Variants in STOX2 observed in about 807,000 individuals in gnomAD.
STOX2 encodes the protein storkhead box 2, also known as storkhead-box protein 2.
A neutral mutation model predicts 60.9 loss-of-function variants in STOX2; 28 were observed. That is an observed-to-expected ratio of 0.46 (90% CI 0.34 to 0.63). STOX2 has a LOEUF of 0.63. Among genes scored for constraint, STOX2 ranks in the 30% least tolerant of loss-of-function variants. The pLI is 0.01. For missense variants in STOX2, 1,024 were observed against 1,187.7 expected (o/e 0.86, Z 2.03); for synonymous variants, 472 against 463.9 (o/e 1.02, Z -0.22).
chr4:183,931,778 A>C (rs187038919), intron 1 of STOX2, among the ~76,000 whole-genome samples: 1 of 152,348 alleles, frequency 6.6e-6, no homozygotes, highest in Admixed American at 6.5e-5. Flanking sequence ...AGCAGGCATA[A>C]GCTGCAACCA....
At chr4:183,816,810 A>AT (rs1739164357) in intron 1 of STOX2, among the ~76,000 whole-genome samples, 1 of 152,236 alleles carries the variant, frequency 6.6e-6, no homozygotes, top group African/African-American at 2.4e-5. Context: ...ACTTGAAAAG[A>AT]TTTTAAAAAG....
chr4:183,872,837 C>A (rs528083789), intron 1 of STOX2, among the ~76,000 whole-genome samples: 3 of 152,158 alleles, frequency 2.0e-5, no homozygotes, highest in African/African-American at 7.2e-5. Flanking sequence ...ATGTATCTGA[C>A]ACTTTGGAAT....
In STOX2 at chr4:183,908,910, C is replaced by T. The variant is rs557541306; in HGVS notation, c.166+1954C>T. On this transcript the variant is annotated intron_variant, in intron 1 of 3. Transcript: ENST00000308497. The stretch of plus-strand genomic sequence containing the variant: ...TGTCATTCATTCAGCATTTTTATGG[C>T]GTGCCCCCAAAGAGCGAAGTGCCTT... Among the ~76,000 whole-genome samples the T allele has an allele frequency of 1.5e-3, 225 of 152,256 alleles. 1 individual carries two copies. The highest frequency in any genetic ancestry group is 3.9e-3 in the African/African-American group (161 of 41,548).
In STOX2 at chr4:183,825,311, G is replaced by A. The variant is rs1739399486; in HGVS notation, c.364+27256G>A. 6.6e-6 allele frequency among the ~76,000 whole-genome samples: 1 copy of A among 152,198 alleles called. No individual in the cohort carries two copies. The highest frequency in any genetic ancestry group is 2.4e-5 in the African/African-American group (1 of 41,456). The stretch of plus-strand genomic sequence containing the variant: ...AGGAAGGACGTGTTCTTAGGAGGGA[G>A]ATGCAGCTGATGAGGCTTCCCAAGC... On this transcript the variant is annotated intron_variant, in intron 1 of 2. Transcript: ENST00000513034. The surrounding 1 kb of genome is among the most constrained non-coding windows in gnomAD (Gnocchi z 4.1).
At chr4:184,015,819 A>G (rs1734346632) in intron 3 of STOX2, 1 of 152,226 alleles carries the variant, frequency 6.6e-6, no homozygotes, top group African/African-American at 2.4e-5. Context: ...GGATGTTTTG[A>G]GAATGCTTCT....
In STOX2 at chr4:183,851,283, A is replaced by AAGGATGAG. The variant is rs1237413156; in HGVS notation, c.364+53231_364+53238dup. 6.1e-5 allele frequency among the ~76,000 whole-genome samples: 5 copies of AAGGATGAG among 82,472 alleles called. 1 individual carries two copies. The highest frequency in any genetic ancestry group is 1.4e-4 in the Non-Finnish European group (5 of 35,736). 54.1% of individuals were successfully genotyped at this position (82,472 alleles called of 152,430 possible). On this transcript the variant is annotated intron_variant, in intron 1 of 2. Transcript: ENST00000513034. ...AAAGGATGAGAGAAACGATGAGGGAAAGGATGAGAGAAAGGATGAGGGAAA... is the reference window on the plus strand; with the variant it reads ...AAAGGATGAGAGAAACGATGAGGGAAAGGATGAGAGGATGAGAGAAAGGATGAGGGAAA...
At chr4:183,848,565 G>A (rs1236761419) in intron 1 of STOX2, among the ~76,000 whole-genome samples, 2 of 152,098 alleles carry the variant, frequency 1.3e-5, no homozygotes, top group Admixed American at 1.3e-4. Flanking sequence ...AAAGGAGCAG[G>A]GTTCTGTAAG....
chr4:183,804,547 G>A (rs1185963513), intron 1 of STOX2, among the ~76,000 whole-genome samples: 1 of 152,236 alleles, frequency 6.6e-6, no homozygotes, highest in Non-Finnish European at 1.5e-5. Flanking sequence ...GCAGAGAGAA[G>A]GCATGAGTCT....
At chr4:183,852,801 C>T (rs930999949) in intron 1 of STOX2, among the ~76,000 whole-genome samples, 2 of 152,116 alleles carry the variant, frequency 1.3e-5, no homozygotes, top group African/African-American at 4.8e-5. Flanking sequence ...GGTGCGTCAG[C>T]GTAAGTAGTA....
chr4:183,916,080 C>T (rs1741923776), intron 1 of STOX2, among the ~76,000 whole-genome samples: 1 of 152,246 alleles, frequency 6.6e-6, no homozygotes, highest in African/African-American at 2.4e-5. Context: ...TGGATATTCC[C>T]TTCCTGACTT....
At chr4:183,884,096 C>A (rs1003405334) in intron 1 of STOX2, among the ~76,000 whole-genome samples, 4 of 152,050 alleles carry the variant, frequency 2.6e-5, no homozygotes, top group Admixed American at 1.3e-4. Context: ...TTAGGTGATC[C>A]GCCCCCCTCG....
chr4:183,829,735 C>T lies in STOX2; in HGVS notation c.364+31680C>T, dbSNP rs534268245. Among the ~76,000 whole-genome samples, 3 of 152,272 alleles carry T rather than the reference C, an allele frequency of 2.0e-5. No homozygotes were observed. The South Asian group carries it at 6.2e-4, about 32-fold the overall frequency. ...TGTAATTTTAAGCCAGCTCGACTTG[C>T]GGTTTCTGTTACTTGCAACCAGATG... On this transcript the variant is annotated intron_variant, in intron 1 of 2. Coordinates refer to the STOX2 transcript ENST00000513034.
At chr4:183,930,166 C>CTT (rs11318493) in intron 1 of STOX2, among the ~76,000 whole-genome samples, 2,186 of 135,642 alleles carry the variant, frequency 0.016, 33 homozygotes, top group African/African-American at 0.039. Context: ...ACCAGGCCAA[C>CTT]TTTTTTTTTT....
At chr4:183,910,368 C>T (rs1194572150) in intron 1 of STOX2, among the ~76,000 whole-genome samples, 1 of 152,168 alleles carries the variant, frequency 6.6e-6, no homozygotes, top group Non-Finnish European at 1.5e-5. Flanking sequence ...AAAACATGCT[C>T]ATTTGTCTCT....
chr4:183,939,593 C>A (rs1043261701), intron 1 of STOX2, among the ~76,000 whole-genome samples: 6 of 151,824 alleles, frequency 4.0e-5, no homozygotes, highest in Non-Finnish European at 7.4e-5. Flanking sequence ...TACAGATGGT[C>A]ACAGATTTTT....
chr4:183,828,311 G>A (rs1243549571), intron 1 of STOX2, among the ~76,000 whole-genome samples: 1 of 152,170 alleles, frequency 6.6e-6, no homozygotes. Context: ...GAGTGACACA[G>A]CGGTAGAGTC....
Position 183,872,905 on chromosome 4 carries a change from T to C in STOX2, c.364+74850T>C, listed in dbSNP as rs146512792. 1.6e-3 allele frequency among the ~76,000 whole-genome samples: 237 copies of C among 152,254 alleles called. 2 individuals are homozygous for C. Among genetic ancestry groups the C allele is most frequent in the African/African-American group, 5.3e-3 (221 of 41,544 alleles). On this transcript the variant is annotated intron_variant, in intron 1 of 2. Coordinates refer to the STOX2 transcript ENST00000513034. The stretch of plus-strand genomic sequence containing the variant: ...TTTGTGTTCTGCTGTTTGCTTTTAG[T>C]GAAAGTTTGAAAAACCATGAAGGCC...
intron 1 of STOX2, among the ~76,000 whole-genome samples, chr4:183,989,360 G>T (rs1430720246): frequency 6.6e-6 from 1 of 151,872 alleles, no homozygotes; most frequent in East Asian, 1.9e-4. Flanking sequence ...GTGCCACCAC[G>T]CCTGGCTAAT....
upstream of STOX2, among the ~76,000 whole-genome samples, chr4:183,901,990 ACTTG>A (rs1404319666): frequency 1.3e-5 from 2 of 152,078 alleles, no homozygotes; most frequent in Non-Finnish European, 2.9e-5. Flanking sequence ...GATGTCATAT[ACTTG>A]GTACACTTGA....
Sources: allele counts gnomAD v4.1 joint callset (sites outside exome capture counted in the v4.1 genomes callset), GRCh38; gene constraint gnomAD v4.1.1; non-coding constraint Gnocchi (gnomAD v3.1); transcripts MANE v1.5; gene names NCBI Gene and HGNC (gene_info 2026-07-23, HGNC 2026-07-21).